Variants in DTNA observed in about 807,000 individuals in gnomAD.
DTNA encodes the protein dystrophin-related protein 3.
In DTNA, 43 loss-of-function variants were observed where a neutral mutation model predicts 100.7. That is an observed-to-expected ratio of 0.43 (90% confidence interval 0.33 to 0.55). The LOEUF (loss-of-function observed/expected upper bound fraction) is 0.55. Ranked by LOEUF, DTNA falls within the 20% of genes least tolerant of loss-of-function variation. The probability of loss-of-function intolerance (pLI) is 0.04; values close to 1 mark genes in which losing one functional copy is unlikely to be tolerated. For synonymous variants in DTNA, 349 were observed against 347.9 expected (o/e 1.00, Z -0.04); for missense variants, 798 against 953.9 (o/e 0.84, Z 2.15).
At chr18:34,497,168 T>G (rs961737289) in intron 1 of DTNA, among the ~76,000 whole-genome samples, 2 of 152,228 alleles carry the variant, frequency 1.3e-5, no homozygotes, top group Non-Finnish European at 2.9e-5. Context: ...GGGAGGTTTT[T>G]TTGTTGTTGT....
chr18:34,841,687 A>C (rs2096271253), intron 13 of DTNA, among the ~76,000 whole-genome samples: 1 of 152,140 alleles, frequency 6.6e-6, no homozygotes, highest in African/African-American at 2.4e-5. Flanking sequence ...ACATTAAGTG[A>C]CTTATCCAAA....
intron 1 of DTNA, among the ~76,000 whole-genome samples, chr18:34,535,478 C>T (rs186257857): frequency 9.2e-4 from 139 of 151,790 alleles, no homozygotes; most frequent in African/African-American, 3.1e-3. Context: ...TTTTGCTGTG[C>T]AGTAGCTCTT....
chr18:34,885,284 C>A (rs1279768231), intron 22 of DTNA, among the ~76,000 whole-genome samples: 1 of 152,182 alleles, frequency 6.6e-6, no homozygotes, highest in Non-Finnish European at 1.5e-5. Context: ...AGGAAAAATT[C>A]TGCAGCCTTA....
chr18:34,594,141 A>G (rs1327868140), intron 1 of DTNA, among the ~76,000 whole-genome samples: 1 of 149,562 alleles, frequency 6.7e-6, no homozygotes, highest in African/African-American at 2.5e-5. Context: ...CCCCTCCTTC[A>G]GGAAAAAAAA....
chr18:34,783,780 C>A (rs1253782005), intron 3 of DTNA, among the ~76,000 whole-genome samples: 2 of 152,136 alleles, frequency 1.3e-5, no homozygotes, highest in Non-Finnish European at 2.9e-5. Flanking sequence ...AAAAGCATAC[C>A]ATTTAATTGA....
At chr18:34,529,497 C>G (rs2145451090) in intron 1 of DTNA, among the ~76,000 whole-genome samples, 1 of 152,106 alleles carries the variant, frequency 6.6e-6, no homozygotes, top group Non-Finnish European at 1.5e-5. Context: ...ATTTCCAGCA[C>G]CCAGTGCAAA....
chr18:34,531,248 T>C (rs1419031402), intron 1 of DTNA, among the ~76,000 whole-genome samples: 1 of 150,598 alleles, frequency 6.6e-6, no homozygotes, highest in Non-Finnish European at 1.5e-5. Flanking sequence ...GACCTAACAC[T>C]GTTGAGATAG....
At chr18:34,673,355 G>A (rs2077004229) in intron 1 of DTNA, among the ~76,000 whole-genome samples, 1 of 151,932 alleles carries the variant, frequency 6.6e-6, no homozygotes, top group Non-Finnish European at 1.5e-5. Flanking sequence ...GCCCAGGCTG[G>A]TCCCGAACTC....
At chr18:34,527,295 T>A (rs529266506) in intron 1 of DTNA, among the ~76,000 whole-genome samples, 1 of 152,180 alleles carries the variant, frequency 6.6e-6, no homozygotes, top group African/African-American at 2.4e-5. Flanking sequence ...TCTCAAGTCA[T>A]ACTTCCCACA....
intron 3 of DTNA, among the ~76,000 whole-genome samples, chr18:34,766,562 T>C (rs935222649): frequency 6.6e-6 from 1 of 152,048 alleles, no homozygotes. Flanking sequence ...TTAGGAGATA[T>C]ACCTAATGTA....
intron 1 of DTNA, among the ~76,000 whole-genome samples, chr18:34,599,055 A>T (rs561732929): frequency 4.5e-4 from 68 of 152,264 alleles, no homozygotes; most frequent in African/African-American, 1.6e-3. Flanking sequence ...CCACTTATAA[A>T]CTTTTTACAC....
chr18:34,647,404 A>G (rs929289099), intron 1 of DTNA, among the ~76,000 whole-genome samples: 9 of 152,120 alleles, frequency 5.9e-5, no homozygotes, highest in African/African-American at 1.4e-4. Flanking sequence ...CAGTAGGGGG[A>G]AAAATGGCAT....
chr18:34,632,640 C>G (rs1240899034), intron 1 of DTNA, among the ~76,000 whole-genome samples: 2 of 152,132 alleles, frequency 1.3e-5, no homozygotes, highest in Non-Finnish European at 2.9e-5. Flanking sequence ...TGTAGCTTAT[C>G]CTAATTGTTC....
At chr18:34,538,818 G>T (rs2043970828) in intron 1 of DTNA, among the ~76,000 whole-genome samples, 1 of 151,860 alleles carries the variant, frequency 6.6e-6, no homozygotes, top group South Asian at 2.1e-4. Context: ...ATATATAATT[G>T]TATGTGTACA....
At chr18:34,855,338 G>T (rs1178763757) in intron 15 of DTNA, among the ~76,000 whole-genome samples, 2 of 152,182 alleles carry the variant, frequency 1.3e-5, no homozygotes, top group Non-Finnish European at 2.9e-5. Context: ...AAATATGCAG[G>T]TTGCATTTAC....
chr18:34,552,467 C>T (rs1045183026), intron 1 of DTNA, among the ~76,000 whole-genome samples: 23 of 150,482 alleles, frequency 1.5e-4, no homozygotes, highest in African/African-American at 4.6e-4. Flanking sequence ...CATGCTGGTG[C>T]GCTGCACCCA....
chr18:34,843,022 G>A (rs2096299431), intron 13 of DTNA, among the ~76,000 whole-genome samples: 1 of 152,080 alleles, frequency 6.6e-6, no homozygotes, highest in Non-Finnish European at 1.5e-5. Context: ...CATAGTAGGT[G>A]CTCAATAAAC....
intron 3 of DTNA, among the ~76,000 whole-genome samples, chr18:34,791,141 C>A (rs76880720): frequency 0.1 from 15,658 of 152,158 alleles, 1,035 homozygotes; most frequent in South Asian, 0.15. Context: ...CTGGATAATT[C>A]CACCACTGGG....
In DTNA at chr18:34,696,173, CT is replaced by C. The variant is rs1178079025; in HGVS notation, c.-1-59802del. ...TTCAAAGCCCCAGGATAAGATACCCCTGTCTTAAAGTGTGTTACATTTTAAA... is the reference window on the plus strand; with the variant it reads ...TTCAAAGCCCCAGGATAAGATACCCCGTCTTAAAGTGTGTTACATTTTAAA... On this transcript the variant is annotated intron_variant, in intron 1 of 19. Coordinates refer to the DTNA transcript ENST00000283365. 3.3e-5 allele frequency among the ~76,000 whole-genome samples: 5 copies of C among 152,190 alleles called. No individual in the cohort carries two copies. The East Asian group carries it at 9.6e-4, about 29-fold the overall frequency.
Sources: allele counts gnomAD v4.1 joint callset (sites outside exome capture counted in the v4.1 genomes callset), GRCh38; gene constraint gnomAD v4.1.1; transcripts MANE v1.5; gene names NCBI Gene and HGNC (gene_info 2026-07-23, HGNC 2026-07-21).